Variants in MORN1 observed in about 807,000 individuals in gnomAD.
The protein encoded by MORN1 is MORN repeat-containing protein 1.
Under a neutral mutation model 61.9 loss-of-function variants are expected in MORN1, and 67 were observed. The ratio of observed to expected loss-of-function variants is 1.08; its 90% CI spans 0.89 to 1.33. The LOEUF (loss-of-function observed/expected upper bound fraction) is 1.33. Among genes scored for constraint, MORN1 ranks in the 40% most tolerant of loss-of-function variants. The pLI is 0.00. For synonymous variants in MORN1, 301 were observed against 292.0 expected (o/e 1.03, Z -0.31); for missense variants, 752 against 691.2 (o/e 1.09, Z -0.99).
intron 6 of MORN1, among the ~76,000 whole-genome samples, chr1:2,383,412 C>A (rs1342946104): frequency 2.0e-5 from 3 of 152,204 alleles, no homozygotes; most frequent in African/African-American, 4.8e-5. Context: ...GGCAGCCACA[C>A]CCTCTCTGTG....
intron 12 of MORN1, among the ~76,000 whole-genome samples, chr1:2,325,136 C>CCT (rs1640984186): frequency 3.8e-4 from 2 of 5,320 alleles, no homozygotes; most frequent in Non-Finnish European, 7.1e-4. Flanking sequence ...CCTTCCTTCC[C>CCT]TCCCTCCCTC....
At chr1:2,335,839 A>AGCCCAGCCCGGCCCG (rs1553208783) in intron 12 of MORN1, among the ~76,000 whole-genome samples, 8 of 149,972 alleles carry the variant, frequency 5.3e-5, no homozygotes, top group African/African-American at 2.0e-4. Context: ...AGCCCAGCCC[A>AGCCCAGCCCGGCCCG]GCCCAGCGCG....
rs202168229 is a variant in MORN1, at chr1:2,363,808, A to ACAAAC, written c.746-5094_746-5093insGTTTG. ...GAAAAACAAACAAACAAACAAACAA[A>ACAAAC]AAAATATATATATATATAAAAAAAA... is the stretch of plus-strand genomic sequence containing the variant. On this transcript the variant is annotated intron_variant, in intron 8 of 13. Coordinates refer to ENST00000378531, the MANE Select transcript of MORN1 (RefSeq NM_024848.3). Among the ~76,000 whole-genome samples the ACAAAC allele has an allele frequency of 5.0e-3, 469 of 93,064 alleles. 4 individuals carry two copies. The highest frequency in any genetic ancestry group is 0.015 in the African/African-American group (367 of 24,336). The allele number at this position is 93,064 out of a possible 152,430, so 61.1% of individuals were successfully genotyped here.
In MORN1 at chr1:2,337,496, G is replaced by C. The variant is rs769237012; in HGVS notation, c.1037-646C>G. ...CCTAGCTTTTTCCAGCCCCTCTCCCGGGGTCCCAGGGTGCGAGGTATGGGG... is the reference window on the plus strand; with the variant it reads ...CCTAGCTTTTTCCAGCCCCTCTCCCCGGGTCCCAGGGTGCGAGGTATGGGG... On this transcript the variant is annotated intron_variant, in intron 10 of 13. Transcript: ENST00000378531. This position sits in a 1 kb window ranked among gnomAD's most constrained non-coding sequence, Gnocchi z 5.7. Among the ~76,000 whole-genome samples, 1 of 152,120 alleles carries C rather than the reference G, an allele frequency of 6.6e-6. No individual in the cohort carries two copies. Among genetic ancestry groups the C allele is most frequent in the Non-Finnish European group, 1.5e-5 (1 of 68,002 alleles).
At chr1:2,336,100 A>G (rs1641269282) in intron 12 of MORN1, among the ~76,000 whole-genome samples, 1 of 152,186 alleles carries the variant, frequency 6.6e-6, no homozygotes, top group Admixed American at 6.5e-5. Flanking sequence ...AGTCCCCTCA[A>G]GCCACTGCCC....
chr1:2,382,695 G>C (rs1642400783), intron 6 of MORN1, among the ~76,000 whole-genome samples: 2 of 152,174 alleles, frequency 1.3e-5, no homozygotes, highest in African/African-American at 2.4e-5. Flanking sequence ...GGTCCTGTAG[G>C]ATGGACACAA....
chr1:2,323,461 T>G lies in MORN1; in HGVS notation c.1297+636A>C, dbSNP rs909807659. 9 of 985,248 alleles carry G rather than the reference T, an allele frequency of 9.1e-6. No individual in the cohort carries two copies. The African/African-American group carries it at 1.4e-4, about 15-fold the overall frequency. The allele number at this position is 985,248 out of a possible 1,614,324, so 61.0% of individuals were successfully genotyped here. On this transcript the variant is annotated intron_variant, in intron 13 of 13. Transcript: ENST00000378531. ...GCTCCATTCTCCGTCAGGCAGCCAG[T>G]CAGCCGCGGTGCCCAGGTCCTGCTA...
chr1:2,322,951 T>G (rs1434505345), intron 13 of MORN1: 7 of 985,190 alleles, frequency 7.1e-6, no homozygotes, highest in Non-Finnish European at 8.4e-6. Flanking sequence ...CAGCTCTCAC[T>G]TAGGGCCTCG....
At chr1:2,386,055 C>G (rs16825090) in intron 4 of MORN1, 158 bp from the exon 5 acceptor site, 18,576 of 638,658 alleles carry the variant, frequency 0.029, 614 homozygotes, top group African/African-American at 0.11. Context: ...ACCCTCCAGA[C>G]CTGGCTACAC....
chr1:2,342,661 C>T (rs1641420330), intron 10 of MORN1, among the ~76,000 whole-genome samples: 1 of 151,980 alleles, frequency 6.6e-6, no homozygotes, highest in Non-Finnish European at 1.5e-5. Context: ...CTTCTCACCT[C>T]CCACACCGCA....
chr1:2,331,039 GC>G, intron 12 of MORN1, among the ~76,000 whole-genome samples: 1 of 152,354 alleles, frequency 6.6e-6, no homozygotes, highest in Middle Eastern at 3.4e-3. Flanking sequence ...CAGAAACGCG[GC>G]CCCTCCCAGG....
chr1:2,385,714 G>A, intron 5 of MORN1, 93 bp downstream of exon 5: 2 of 1,179,950 alleles, frequency 1.7e-6, no homozygotes, highest in East Asian at 2.4e-5. Context: ...GGTGTCCCAT[G>A]GCAGTCCTGT....
chr1:2,370,689 T>A (rs201216765), intron 8 of MORN1, among the ~76,000 whole-genome samples: 2 of 118,216 alleles, frequency 1.7e-5, no homozygotes, highest in African/African-American at 6.4e-5. Context: ...TTTTTTTTTT[T>A]AAATGAGACA....
At chr1:2,332,755 T>C in intron 12 of MORN1, 1 of 456,422 alleles carries the variant, frequency 2.2e-6, no homozygotes, top group Non-Finnish European at 4.4e-6. Flanking sequence ...GTTGGGATCC[T>C]GGGAGGGGTG....
At position 2,327,674 on chromosome 1, in the gene MORN1, G is replaced by A. The variant is rs554434492; in HGVS notation, c.1251-3531C>T. On this transcript the variant is annotated intron_variant, in intron 12 of 13. Transcript: ENST00000378531. ...TTTTAGAAGCACAGACAGGAGATGG[G>A]GTGGACGAGGCGGCACAGGGGGAGG... Among the ~76,000 whole-genome samples, 5 of 152,370 alleles carry A rather than the reference G, an allele frequency of 3.3e-5. No individual in the cohort carries two copies. In the South Asian group the frequency reaches 1.0e-3, roughly 32 times the overall value.
intron 12 of MORN1, among the ~76,000 whole-genome samples, chr1:2,335,240 C>T (rs1479681262): frequency 6.6e-6 from 1 of 152,242 alleles, no homozygotes; most frequent in African/African-American, 2.4e-5. Flanking sequence ...GGCCCTCCTC[C>T]CACCTTGCCG....
At chr1:2,331,888 CTGCGCCTCTCCCTCG>C (rs1350373332) in intron 12 of MORN1, among the ~76,000 whole-genome samples, 2 of 134,712 alleles carry the variant, frequency 1.5e-5, no homozygotes, top group East Asian at 4.5e-4. Context: ...TCTCCCGCCC[CTGCGCCTCTCCCTCG>C]TGCGCCTCTC....
At chr1:2,385,271 C>G in intron 5 of MORN1, 1 of 594,272 alleles carries the variant, frequency 1.7e-6, no homozygotes, top group East Asian at 2.8e-5. Flanking sequence ...CCCACCCCCA[C>G]CCTAGATGGT....
At chr1:2,350,371 C>T (rs1370574252) in intron 10 of MORN1, 2 of 152,138 alleles carry the variant, frequency 1.3e-5, no homozygotes, top group African/African-American at 2.4e-5. Context: ...CTGTGATGTG[C>T]AATTATGTAT....
Sources: gnomAD v4.1 joint callset for allele counts (sites outside exome capture counted in the v4.1 genomes callset) on GRCh38, gnomAD v4.1.1 for gene constraint, Gnocchi (gnomAD v3.1) non-coding constraint, MANE v1.5 for transcripts, NCBI Gene and HGNC (gene_info 2026-07-23, HGNC 2026-07-21) for gene names.